IDUA: variants seen among roughly 807,000 people sequenced by gnomAD.
The protein encoded by IDUA is alpha-L-iduronidase, also known as iduronidase alpha-L-.
IDUA carries 65 observed loss-of-function variants against 68.9 expected under a neutral mutation model. The observed-to-expected ratio is 0.94, with a 90% confidence interval of 0.77 to 1.16. The LOEUF (loss-of-function observed/expected upper bound fraction) is 1.16, where lower values mean the gene tolerates loss of function less well. Among genes scored for constraint, IDUA ranks in the 50% most tolerant of loss-of-function variants. The pLI, the probability that IDUA is intolerant of heterozygous loss-of-function variation, is 0.00. For synonymous variants in IDUA, 529 were observed against 433.6 expected (o/e 1.22, Z -2.73); for missense variants, 1,046 against 938.0 (o/e 1.12, Z -1.50).
Position 1,002,448 on chromosome 4 carries a change from G to A in IDUA, c.1152G>A (p.Lys384=), listed in dbSNP as rs1244370377. Residue 384 remains lysine, a synonymous_variant, in exon 8 of 14, where the codon AAG becomes AAA. Transcript: ENST00000514224. ...CGCCGCACGTGCAGCTGTTGCGCAA[G>A]CCGGTGCTCACGGCCATGGGGCTGC... ...TRPPHVQLLR[K]PVLTAMGLLA... The A allele has an allele frequency of 1.3e-6, 2 of 1,558,904 alleles. No individual in the cohort carries two copies. The highest frequency in any genetic ancestry group is 3.9e-5 in the Admixed American group (2 of 51,738).
chr4:989,931 C>T, intron 2 of IDUA: 2 of 1,558,038 alleles, frequency 1.3e-6, no homozygotes, highest in Non-Finnish European at 1.7e-6. Context: ...GCTGCATCAG[C>T]CTGGGCTCTG....
Position 1,002,271 on chromosome 4 carries a change from C to T in IDUA, c.975C>T (p.Val325=). The part of the protein sequence containing the change: ...DVTYAAMVVK[V]IAQHQNLLLA... ...CCAGCTGCCCTGGACACCCGCAGGT[C>T]ATCGCGCAGCATCAGAACCTGCTAC... Residue 325 remains valine (V), a splice_region_variant and synonymous_variant, in exon 8 of 14, where the codon GTC becomes GTT. Transcript: ENST00000514224. 7 of 1,610,508 alleles carry T rather than the reference C, an allele frequency of 4.3e-6. No homozygotes were observed. The highest frequency in any genetic ancestry group is 5.9e-6 in the Non-Finnish European group (7 of 1,178,794).
intron 2 of IDUA, chr4:991,654 A>C: frequency 6.5e-7 from 1 of 1,548,372 alleles, no homozygotes; most frequent in Non-Finnish European, 8.7e-7. Flanking sequence ...CTGCCGTCGG[A>C]CCGGCACCGG....
chr4:997,965 A>T (rs1209187176), intron 2 of IDUA, among the ~76,000 whole-genome samples: 1 of 151,868 alleles, frequency 6.6e-6, no homozygotes, highest in Non-Finnish European at 1.5e-5. Flanking sequence ...TGCAGAGAAA[A>T]CCTGAAGCCC....
rs1377076671 is a variant in IDUA, at chr4:988,943, C to T, written c.299+994C>T. 5 of 1,597,656 alleles carry T rather than the reference C, an allele frequency of 3.1e-6. No individual in the cohort carries two copies. Among genetic ancestry groups the T allele is most frequent in the Non-Finnish European group, 4.3e-6 (5 of 1,173,004 alleles). Reference sequence around the variant, plus strand: ...TCCTCCTCAGCCGTGTCCCCGGGGCCCTCCCCGAGGAAGCCTCCTCTGCTC... The same window carrying T: ...TCCTCCTCAGCCGTGTCCCCGGGGCTCTCCCCGAGGAAGCCTCCTCTGCTC... On this transcript the variant is annotated intron_variant, in intron 2 of 13. Coordinates refer to ENST00000514224, the MANE Select transcript of IDUA (RefSeq NM_000203.5).
At chr4:989,036 G>T in intron 2 of IDUA, 1 of 1,581,162 alleles carries the variant, frequency 6.3e-7, no homozygotes, top group South Asian at 1.1e-5. Flanking sequence ...CCGTAGTCTC[G>T]GCGCAGGTCC....
intron 12 of IDUA, 114 bp downstream of exon 12, chr4:1,003,739 C>A: frequency 8.4e-7 from 1 of 1,185,940 alleles, no homozygotes; most frequent in Non-Finnish European, 1.2e-6. Flanking sequence ...CGGCTCCCTC[C>A]CTCGCCGCCC....
chr4:997,642 T>C (rs1411554044), intron 2 of IDUA, among the ~76,000 whole-genome samples: 1 of 152,048 alleles, frequency 6.6e-6, no homozygotes, highest in Non-Finnish European at 1.5e-5. Flanking sequence ...GGCTGGGCGG[T>C]GGCTCGTCTG....
Position 1,002,713 on chromosome 4 carries a change from G to GCCCCCCC in IDUA, c.1190-16_1190-10dup. On this transcript the variant is annotated intron_variant, in intron 8 of 13. Coordinates refer to ENST00000514224, the MANE Select transcript of IDUA (RefSeq NM_000203.5). ...TGGGCAACGACCCCACGCGGCGACG[G>GCCCCCCC]CCCCCCCCCGCCCCGCAGATGAGGA... is the stretch of plus-strand genomic sequence containing the variant. 7.3e-7 allele frequency: 1 copy of GCCCCCCC among 1,364,388 alleles called. No individual in the cohort carries two copies. Among genetic ancestry groups the GCCCCCCC allele is most frequent in the South Asian group, 1.4e-5 (1 of 72,348 alleles). The allele number at this position is 1,364,388 out of a possible 1,614,324, so 84.5% of individuals were successfully genotyped here.
chr4:1,000,832 G>C (rs1715027100), intron 3 of IDUA, 50 bp from the exon 4 acceptor site: 8 of 1,538,100 alleles, frequency 5.2e-6, no homozygotes, highest in East Asian at 2.2e-5. Context: ...GCCTGGCAGA[G>C]CATGGGTGTG....
At position 989,021 on chromosome 4, in the gene IDUA, G is replaced by A. The variant is rs111921899; in HGVS notation, c.299+1072G>A. ...CAGGCTAGCAGCAGGCTGATGCCCA[G>A]GGCCCCGTAGTCTCGGCGCAGGTCC... On this transcript the variant is annotated intron_variant, in intron 2 of 13. Coordinates refer to ENST00000514224, the MANE Select transcript of IDUA (RefSeq NM_000203.5). 2.5e-6 allele frequency: 4 copies of A among 1,585,956 alleles called. No homozygotes were observed. In the Admixed American group the frequency reaches 5.3e-5, roughly 21 times the overall value.
rs367843214 is a variant in IDUA at position 989,768 on chromosome 4, G to A, written c.299+1819G>A. 127 of 1,562,342 alleles carry A rather than the reference G, an allele frequency of 8.1e-5. No homozygotes were observed. The highest frequency in any genetic ancestry group is 2.9e-4 in the Admixed American group (15 of 52,160). On this transcript the variant is annotated intron_variant, in intron 2 of 13. Transcript: ENST00000514224. The stretch of plus-strand genomic sequence containing the variant: ...AGGGCGGCGCTGGTGGCGAAGCAGT[G>A]GAGGAAGGCGGGTAGCACGTTGCAG...
intron 2 of IDUA, among the ~76,000 whole-genome samples, chr4:998,595 C>G (rs1714881619): frequency 6.6e-6 from 1 of 152,118 alleles, no homozygotes; most frequent in Non-Finnish European, 1.5e-5. Context: ...TCCATTCACC[C>G]CATTCCCTTT....
chr4:989,683 C>T, intron 2 of IDUA: 1 of 1,565,636 alleles, frequency 6.4e-7, no homozygotes, highest in Non-Finnish European at 8.7e-7. Context: ...CACGGTGGCG[C>T]TGACCACGCT....
At position 1,000,980 on chromosome 4, in the gene IDUA, A is replaced by G; in HGVS notation, c.484A>G (p.Arg162Gly). 1 of 1,611,830 alleles carries G rather than the reference A, an allele frequency of 6.2e-7. No homozygotes were observed. The highest frequency in any genetic ancestry group is 8.5e-7 in the Non-Finnish European group (1 of 1,178,696). Residue 162 changes from arginine to glycine, a missense_variant, in exon 4 of 14, where the codon AGA becomes GGA. Transcript: ENST00000514224. ...WKDLVSSLARRYIGRYGLAHV... is the reference protein window; with the variant it reads ...WKDLVSSLARGYIGRYGLAHV... The stretch of plus-strand genomic sequence containing the variant: ...GGACTTGGTCTCCAGCCTGGCCAGG[A>G]GATACATCGGTGGGCGAGCGCAGGC...
chr4:1,003,688 C>T, intron 12 of IDUA, 63 bp downstream of exon 12: 1 of 1,576,080 alleles, frequency 6.3e-7, no homozygotes, highest in Non-Finnish European at 8.7e-7. Context: ...GTCCCGACCC[C>T]TTCACCCATG....
At position 987,223 on chromosome 4, in the gene IDUA, TGGA is replaced by T. The variant is rs1713799705; in HGVS notation, c.144_146del (p.Arg48del). The T allele has an allele frequency of 6.7e-7, 1 of 1,501,082 alleles. No individual in the cohort carries two copies. Among genetic ancestry groups the T allele is most frequent in the Non-Finnish European group, 8.8e-7 (1 of 1,132,742 alleles). The allele number at this position is 1,501,082 out of a possible 1,614,324, so 93.0% of individuals were successfully genotyped here. On this transcript the variant is annotated inframe_deletion, in exon 1 of 14. Coordinates refer to ENST00000514224, the MANE Select transcript of IDUA (RefSeq NM_000203.5). ...CGCGCTGTGGCCCCTGCGGCGCTTC[TGGA>T]GGAGCACAGGCTTCTGGTGAGCGCT...
chr4:989,574 G>A (rs771393232), intron 2 of IDUA: 5 of 1,594,000 alleles, frequency 3.1e-6, no homozygotes, highest in Middle Eastern at 3.4e-4. Context: ...CCCACACCTT[G>A]CGCAGGGCCC....
At chr4:991,878 C>A in intron 2 of IDUA, 1 of 1,411,546 alleles carries the variant, frequency 7.1e-7, no homozygotes, top group Non-Finnish European at 9.7e-7. Context: ...GCAGCGCGGG[C>A]CCCAGCCCCC....
Sources: allele counts gnomAD v4.1 joint callset (sites outside exome capture counted in the v4.1 genomes callset), GRCh38; gene constraint gnomAD v4.1.1; transcripts MANE v1.5; gene names NCBI Gene and HGNC (gene_info 2026-07-23, HGNC 2026-07-21).